The following SLC6A6 variants were observed in gnomAD, a reference collection of about 807,000 sequenced individuals.
SLC6A6 encodes the protein solute carrier family 6 member 6.
In SLC6A6, 16 loss-of-function variants were observed where a neutral mutation model predicts 68.8. The observed-to-expected ratio is 0.23, with a 90% CI of 0.16 to 0.35. The LOEUF (loss-of-function observed/expected upper bound fraction) is 0.35. SLC6A6 is among the 10% of genes least tolerant of loss of function. The pLI, the probability that SLC6A6 is intolerant of heterozygous loss-of-function variation, is 1.00. For synonymous variants in SLC6A6, 312 were observed against 315.4 expected (o/e 0.99, Z 0.12); for missense variants, 474 against 802.8 (o/e 0.59, Z 4.95).
In SLC6A6 at chr3:14,428,405, G is replaced by A. The variant is rs78122278; in HGVS notation, c.-12+11952G>A. ...TGCCCATGAGTTGAGGAAGAATGCC[G>A]GTCAATTTTGTCATCATCCTGATAG... On this transcript the variant is annotated intron_variant, in intron 2 of 14. Coordinates refer to ENST00000622186, the MANE Select transcript of SLC6A6 (RefSeq NM_003043.6). Among the ~76,000 whole-genome samples the A allele has an allele frequency of 4.0e-3, 612 of 152,304 alleles. 4 individuals carry two copies. Among genetic ancestry groups the A allele is most frequent in the Middle Eastern group, 0.017 (5 of 294 alleles).
At position 14,479,163 on chromosome 3, in the gene SLC6A6, T is replaced by C; in HGVS notation, c.1529T>C (p.Val510Ala). 4 of 1,611,392 alleles carry C rather than the reference T, an allele frequency of 2.5e-6. No individual in the cohort carries two copies. Among genetic ancestry groups the C allele is most frequent in the Non-Finnish European group, 3.4e-6 (4 of 1,177,456 alleles). The change falls in exon 13 of 15, where the codon GTG becomes GCG. Residue 510 changes from valine (V) to alanine (A), a missense_variant. By Grantham distance (64) the Val-to-Ala change is moderately conservative (BLOSUM62 0). Coordinates refer to ENST00000622186, the MANE Select transcript of SLC6A6 (RefSeq NM_003043.6). Reference protein sequence around the residue: ...PGPWMKYSWAVITPVLCVGCF... With the variant: ...PGPWMKYSWAAITPVLCVGCF... The stretch of plus-strand genomic sequence containing the variant: ...CCCTGGATGAAGTACAGCTGGGCTG[T>C]GATCACTCCAGTTCTCTGTGTTGTG...
At position 14,416,286 on chromosome 3, in the gene SLC6A6, T is replaced by C; in HGVS notation, c.-53-126T>C. The C allele has an allele frequency of 7.6e-6, 3 of 396,682 alleles. No individual in the cohort carries two copies. In the Admixed American group the frequency reaches 1.3e-4, roughly 18 times the overall value. The allele number at this position is 396,682 out of a possible 1,614,324, so 24.6% of individuals were successfully genotyped here. A position where few individuals can be genotyped will look rare whatever the true frequency, so the allele number is the denominator to read the frequency against. On this transcript the variant is annotated intron_variant, in intron 1 of 14. Coordinates refer to ENST00000622186, the MANE Select transcript of SLC6A6 (RefSeq NM_003043.6). ...TCAGCGTCCTGGCCTTCCAAGGGGTTTGGTCAGCCCCTCCCCAGCACACAC... is the reference window on the plus strand; with the variant it reads ...TCAGCGTCCTGGCCTTCCAAGGGGTCTGGTCAGCCCCTCCCCAGCACACAC...
At chr3:14,405,646 C>T (rs1435235757) in intron 1 of SLC6A6, among the ~76,000 whole-genome samples, 3 of 152,194 alleles carry the variant, frequency 2.0e-5, no homozygotes, top group African/African-American at 7.2e-5. Context: ...ATCTCATTTT[C>T]CTGTGTTTGC....
In SLC6A6 at chr3:14,450,776, G is replaced by A. The variant is rs1700234953; in HGVS notation, c.599+2960G>A. Among the ~76,000 whole-genome samples the A allele has an allele frequency of 1.3e-5, 2 of 152,240 alleles. No individual in the cohort carries two copies. On this transcript the variant is annotated intron_variant, in intron 5 of 14. Coordinates refer to ENST00000622186, the MANE Select transcript of SLC6A6 (RefSeq NM_003043.6). The surrounding 1 kb of genome is among the most constrained non-coding windows in gnomAD (Gnocchi z 4.1). ...GTGGGCAAGAAAGACCCGGCCTCCT[G>A]CCTTCAAGAGCCTTCTCTTTTCTTG... is the stretch of plus-strand genomic sequence containing the variant.
intron 5 of SLC6A6, among the ~76,000 whole-genome samples, chr3:14,449,620 C>T (rs980088612): frequency 3.3e-5 from 5 of 152,322 alleles, no homozygotes; most frequent in African/African-American, 4.8e-5. Context: ...GGAAGTATCC[C>T]GCTCTCTGGG....
chr3:14,485,205 TG>T lies in SLC6A6; in HGVS notation c.*203del. The T allele has an allele frequency of 2.4e-6, 1 of 419,130 alleles. No homozygotes were observed. The highest frequency in any genetic ancestry group is 4.2e-6 in the Non-Finnish European group (1 of 238,726). 26.0% of individuals were successfully genotyped at this position (419,130 alleles called of 1,614,324 possible). A position where few individuals can be genotyped will look rare whatever the true frequency, so the allele number is the denominator to read the frequency against. On this transcript the variant is annotated 3_prime_UTR_variant, in exon 15 of 15. Transcript: ENST00000622186. ...CGTGTGTGTGTGTTTTGTTTTGATT[TG>T]GGGGATATTTTGTACAAAAAGAAAA... is the stretch of plus-strand genomic sequence containing the variant.
intron 2 of SLC6A6, among the ~76,000 whole-genome samples, chr3:14,430,952 G>A (rs1319641901): frequency 6.6e-6 from 1 of 152,194 alleles, no homozygotes; most frequent in Non-Finnish European, 1.5e-5. Context: ...ATGTGGACGT[G>A]CCAAGACCTC....
At position 14,437,994 on chromosome 3, in the gene SLC6A6, A is replaced by AT. The variant is rs34038422; in HGVS notation, c.-11-5608dup. 2.9e-3 allele frequency among the ~76,000 whole-genome samples: 340 copies of AT among 118,298 alleles called. 1 individual carries two copies. The highest frequency in any genetic ancestry group is 8.3e-3 in the Middle Eastern group (2 of 240). The allele number at this position is 118,298 out of a possible 152,430, so 77.6% of individuals were successfully genotyped here. ...AGGAGTGCATCACATCATCTGGCTA[A>AT]TTTTTTTTTTTTTTTTTTTTTTGTA... On this transcript the variant is annotated intron_variant, in intron 2 of 14. Coordinates refer to ENST00000622186, the MANE Select transcript of SLC6A6 (RefSeq NM_003043.6).
chr3:14,408,578 G>A (rs1699162404), intron 1 of SLC6A6, among the ~76,000 whole-genome samples: 1 of 152,014 alleles, frequency 6.6e-6, no homozygotes, highest in Non-Finnish European at 1.5e-5. Context: ...CAAGTGATCC[G>A]CCTGCCTTGG....
At chr3:14,471,454 A>T (rs996493094) in intron 9 of SLC6A6, among the ~76,000 whole-genome samples, 1 of 152,136 alleles carries the variant, frequency 6.6e-6, no homozygotes, top group African/African-American at 2.4e-5. Context: ...TGAGTCATTT[A>T]TGGCCACCTG....
At chr3:14,445,462 GAAAA>G (rs1327223688) in intron 3 of SLC6A6, among the ~76,000 whole-genome samples, 3 of 122,264 alleles carry the variant, frequency 2.5e-5, no homozygotes, top group Admixed American at 7.7e-5. Flanking sequence ...AAGAAAGAAA[GAAAA>G]AAAAGAAGGC....
At position 14,415,662 on chromosome 3, in the gene SLC6A6, C is replaced by T. The variant is rs1699346409; in HGVS notation, c.-53-750C>T. On this transcript the variant is annotated intron_variant, in intron 1 of 14. Coordinates refer to ENST00000622186, the MANE Select transcript of SLC6A6 (RefSeq NM_003043.6). ...TTGCTGGTAGGAGGAGGTGATCTGCCCCCAGCTGCCTATTTCCCAAACTGA... is the reference window on the plus strand; with the variant it reads ...TTGCTGGTAGGAGGAGGTGATCTGCTCCCAGCTGCCTATTTCCCAAACTGA... Among the ~76,000 whole-genome samples, 4 of 152,166 alleles carry T rather than the reference C, an allele frequency of 2.6e-5. No homozygotes were observed. The South Asian group carries it at 8.3e-4, about 32-fold the overall frequency.
intron 6 of SLC6A6, among the ~76,000 whole-genome samples, chr3:14,465,757 C>T (rs946144825): frequency 6.6e-6 from 1 of 152,200 alleles, no homozygotes; most frequent in Non-Finnish European, 1.5e-5. Context: ...ATGCAATGGG[C>T]ACATGCCATG....
rs1023914275 is a variant in SLC6A6, at chr3:14,445,820, C to A, written c.333C>A (p.Thr111=). The stretch of plus-strand genomic sequence containing the variant: ...AGTACACCTCTGAAGGGGGCATCAC[C>A]TGCTGGGAAAAGATCTGCCCCTTGT... ...IGQYTSEGGI[T]CWEKICPLFS... is the part of the protein sequence containing the mutation. The change falls in exon 4 of 15, where the codon ACC becomes ACA. Residue 111 remains threonine (T), a synonymous_variant. Transcript: ENST00000622186. 10 of 1,614,222 alleles carry A rather than the reference C, an allele frequency of 6.2e-6. No homozygotes were observed. Among genetic ancestry groups the A allele is most frequent in the Non-Finnish European group, 7.6e-6 (9 of 1,180,024 alleles).
At chr3:14,441,493 C>T (rs1004406798) in intron 2 of SLC6A6, among the ~76,000 whole-genome samples, 14 of 152,278 alleles carry the variant, frequency 9.2e-5, no homozygotes, top group Middle Eastern at 6.8e-3. Context: ...AGAGGAAGGG[C>T]TCCATGAGCT....
intron 2 of SLC6A6, among the ~76,000 whole-genome samples, chr3:14,432,222 A>G (rs1216050986): frequency 1.3e-5 from 2 of 152,242 alleles, no homozygotes; most frequent in African/African-American, 4.8e-5. Context: ...GAGAAGGTCA[A>G]GGAAATGGCA....
chr3:14,480,019 C>G (rs1700972198), intron 13 of SLC6A6, among the ~76,000 whole-genome samples: 1 of 152,198 alleles, frequency 6.6e-6, no homozygotes, highest in Admixed American at 6.5e-5. Flanking sequence ...CCGTGACCTG[C>G]TATCAGGCCA....
chr3:14,409,269 T>A (rs1699181720), intron 1 of SLC6A6, among the ~76,000 whole-genome samples: 1 of 152,240 alleles, frequency 6.6e-6, no homozygotes, highest in Non-Finnish European at 1.5e-5. Context: ...ACTTTGCGTG[T>A]CCTGTCTGAT....
chr3:14,428,286 GC>G (rs1699646731), intron 2 of SLC6A6, among the ~76,000 whole-genome samples: 1 of 152,218 alleles, frequency 6.6e-6, no homozygotes, highest in African/African-American at 2.4e-5. Flanking sequence ...CAGTGTTTGA[GC>G]CCTGGTCTTG....
Sources: gnomAD v4.1 joint callset for allele counts (sites outside exome capture counted in the v4.1 genomes callset) on GRCh38, gnomAD v4.1.1 for gene constraint, Gnocchi (gnomAD v3.1) non-coding constraint, MANE v1.5 for transcripts, NCBI Gene and HGNC (gene_info 2026-07-23, HGNC 2026-07-21) for gene names.